MGMT: variants seen among roughly 807,000 people sequenced by gnomAD.
MGMT encodes the protein methylated-DNA--protein-cysteine methyltransferase.
Under a neutral mutation model 15.9 loss-of-function variants are expected in MGMT, and 14 were observed. The ratio of observed to expected loss-of-function variants is 0.88; its 90% CI spans 0.58 to 1.37. The LOEUF is 1.37. Ranked by LOEUF, MGMT falls within the 40% of genes most tolerant of loss-of-function variation. MGMT has a pLI of 0.00. For synonymous variants in MGMT, 130 were observed against 118.2 expected, an observed-to-expected ratio of 1.10 and a Z score of -0.65; for missense variants, 282 against 268.1, an observed-to-expected ratio of 1.05 and a Z score of -0.36.
chr10:129,547,443 CTGTATGACTTCAGTACACCTGCAGA>C (rs1230688986), intron 2 of MGMT, among the ~76,000 whole-genome samples: 2 of 152,188 alleles, frequency 1.3e-5, no homozygotes, highest in African/African-American at 4.8e-5. Context: ...GGCTTATGGA[CTGTATGACTTCAGTACACCTGCAGA>C]TTCATGGAGT....
intron 3 of MGMT, chr10:129,717,801 G>A (rs1215566706): frequency 6.6e-6 from 1 of 152,148 alleles, no homozygotes; most frequent in Non-Finnish European, 1.5e-5. Context: ...TGGAAAACAG[G>A]ATTCTTTTTG....
chr10:129,737,179 G>A (rs1039761643), intron 3 of MGMT, among the ~76,000 whole-genome samples: 1 of 152,260 alleles, frequency 6.6e-6, no homozygotes. Context: ...CATTCTCCCT[G>A]TCACTTTCAG....
chr10:129,677,084 G>A (rs1424129187), intron 2 of MGMT, among the ~76,000 whole-genome samples: 1 of 152,092 alleles, frequency 6.6e-6, no homozygotes, highest in Non-Finnish European at 1.5e-5. Context: ...TGGGCATGTG[G>A]TATGTGGGTG....
Position 129,587,781 on chromosome 10 carries a change from C to T in MGMT, c.125+51404C>T, listed in dbSNP as rs142138879. Among the ~76,000 whole-genome samples the T allele has an allele frequency of 7.4e-3, 1,133 of 152,144 alleles. 2 individuals are homozygous for T. Among genetic ancestry groups the T allele is most frequent in the African/African-American group, 0.019 (797 of 41,514 alleles). Reference sequence around the variant, plus strand: ...TTTGACATGTGAAATACAGTTATAACGACTATGTTAATATCCTTGTCTGTT... The same window carrying T: ...TTTGACATGTGAAATACAGTTATAATGACTATGTTAATATCCTTGTCTGTT... On this transcript the variant is annotated intron_variant, in intron 2 of 4. Coordinates refer to ENST00000651593, the MANE Select transcript of MGMT (RefSeq NM_002412.5).
intron 3 of MGMT, among the ~76,000 whole-genome samples, chr10:129,743,459 T>C (rs1040975378): frequency 6.6e-6 from 1 of 152,208 alleles, no homozygotes; most frequent in Non-Finnish European, 1.5e-5. Flanking sequence ...CATCAGTGCG[T>C]TGGTTGGTGG....
chr10:129,657,489 G>A (rs923570025), intron 2 of MGMT, among the ~76,000 whole-genome samples: 3 of 151,926 alleles, frequency 2.0e-5, no homozygotes, highest in African/African-American at 7.3e-5. Context: ...GGTGGGGCAG[G>A]CGTGAGACAG....
At chr10:129,493,159 TA>T (rs1212089989) in intron 1 of MGMT, among the ~76,000 whole-genome samples, 1 of 152,166 alleles carries the variant, frequency 6.6e-6, no homozygotes, top group African/African-American at 2.4e-5. Flanking sequence ...CCTGAGTGCC[TA>T]AATTAGGGAT....
intron 2 of MGMT, among the ~76,000 whole-genome samples, chr10:129,590,727 G>A (rs1448694409): frequency 6.6e-6 from 1 of 152,176 alleles, no homozygotes; most frequent in Non-Finnish European, 1.5e-5. Context: ...GGGTATACGG[G>A]CATTTAAGGG....
intron 2 of MGMT, among the ~76,000 whole-genome samples, chr10:129,646,754 A>ATATATTTTTTTT: frequency 9.2e-5 from 8 of 86,674 alleles, no homozygotes; most frequent in African/African-American, 2.8e-4. Flanking sequence ...ATATATATAT[A>ATATATTTTTTTT]TTTTCAGGGA....
At chr10:129,511,290 A>G (rs951166956) in intron 1 of MGMT, among the ~76,000 whole-genome samples, 2 of 149,836 alleles carry the variant, frequency 1.3e-5, no homozygotes, top group Non-Finnish European at 3.0e-5. Context: ...GGAACCTGGT[A>G]TACCAGATGC....
At chr10:129,647,148 T>C (rs1847406260) in intron 2 of MGMT, among the ~76,000 whole-genome samples, 1 of 152,102 alleles carries the variant, frequency 6.6e-6, no homozygotes, top group Admixed American at 6.5e-5. Context: ...TTTCTGCTGG[T>C]GACGGCTCTA....
intron 2 of MGMT, among the ~76,000 whole-genome samples, chr10:129,703,744 C>T (rs1848126097): frequency 6.6e-6 from 1 of 152,206 alleles, no homozygotes; most frequent in African/African-American, 2.4e-5. Flanking sequence ...CAGCTCATGA[C>T]ACCAGCAGAG....
intron 2 of MGMT, among the ~76,000 whole-genome samples, chr10:129,585,772 G>A (rs960126078): frequency 7.9e-5 from 12 of 152,276 alleles, no homozygotes; most frequent in African/African-American, 2.2e-4. Context: ...ATGGAGGGCC[G>A]GCTGTGCAGT....
intron 1 of MGMT, among the ~76,000 whole-genome samples, chr10:129,489,702 T>A (rs890655455): frequency 2.0e-5 from 3 of 152,202 alleles, no homozygotes; most frequent in Non-Finnish European, 4.4e-5. Flanking sequence ...ATACTCCCCG[T>A]GTCCTTATTT....
rs555073425 is a variant in MGMT, at chr10:129,768,613, G to A, written c.*1616G>A. ...CCAGTGATGGCCGGTCACCAGGCACGGCTTTCCCCTCTGCATGAACAGAAC... is the reference window on the plus strand; with the variant it reads ...CCAGTGATGGCCGGTCACCAGGCACAGCTTTCCCCTCTGCATGAACAGAAC... On this transcript the variant is annotated 3_prime_UTR_variant, in exon 5 of 5. Transcript: ENST00000651593. 5.9e-5 allele frequency among the ~76,000 whole-genome samples: 9 copies of A among 152,354 alleles called. No homozygotes were observed. Among genetic ancestry groups the A allele is most frequent in the East Asian group, 1.9e-4 (1 of 5,174 alleles).
At chr10:129,484,510 C>G (rs933814430) in intron 1 of MGMT, among the ~76,000 whole-genome samples, 1 of 152,116 alleles carries the variant, frequency 6.6e-6, no homozygotes, top group African/African-American at 2.4e-5. Flanking sequence ...TCTCCTCTAT[C>G]TTCTCAAATA....
rs1295182472 is a variant in MGMT at position 129,768,129 on chromosome 10, T to A, written c.*1132T>A. ...GTGAACCACAGCAGGGAAGCTCGCATGGTTCTACACGTCACCGAGGCCTGG... is the reference window on the plus strand; with the variant it reads ...GTGAACCACAGCAGGGAAGCTCGCAAGGTTCTACACGTCACCGAGGCCTGG... On this transcript the variant is annotated 3_prime_UTR_variant, in exon 5 of 5. Transcript: ENST00000651593. 1 of 152,238 alleles carries A rather than the reference T, an allele frequency of 6.6e-6. No homozygotes were observed. The highest frequency in any genetic ancestry group is 1.9e-4 in the East Asian group (1 of 5,194). The allele number at this position is 152,238 out of a possible 1,614,324, so 9.4% of individuals were successfully genotyped here.
chr10:129,475,771 T>A (rs536366922), intron 1 of MGMT, among the ~76,000 whole-genome samples: 94 of 152,230 alleles, frequency 6.2e-4, no homozygotes, highest in Non-Finnish European at 1.1e-3. Context: ...AGGAGGTTGC[T>A]TCCATGGTGC....
intron 2 of MGMT, among the ~76,000 whole-genome samples, chr10:129,621,480 G>A (rs76291856): frequency 0.047 from 7,197 of 152,262 alleles, 201 homozygotes; most frequent in Middle Eastern, 0.085. Context: ...TTGAAAGGGC[G>A]CAGGGGGGTT....
Sources: allele counts gnomAD v4.1 joint callset (sites outside exome capture counted in the v4.1 genomes callset), GRCh38; gene constraint gnomAD v4.1.1; transcripts MANE v1.5; gene names NCBI Gene and HGNC (gene_info 2026-07-23, HGNC 2026-07-21).